ERC1: variants seen among roughly 807,000 people sequenced by gnomAD.
ERC1 encodes ELKS/RAB6-interacting/CAST family member 1, also known as RAB6 interacting protein 2.
A neutral mutation model predicts 132.0 loss-of-function variants in ERC1; 56 were observed. That is an observed-to-expected ratio of 0.42 (90% CI 0.34 to 0.53). ERC1 has a LOEUF of 0.53. Among genes scored for constraint, ERC1 ranks in the 20% least tolerant of loss-of-function variants. The pLI is 0.03. For synonymous variants in ERC1, 478 were observed against 476.1 expected, an observed-to-expected ratio of 1.00 and a Z score of -0.05; for missense variants, 1,202 against 1,349.9, an observed-to-expected ratio of 0.89 and a Z score of 1.72.
chr12:1,283,017 G>A (rs2078791138), intron 14 of ERC1, among the ~76,000 whole-genome samples: 1 of 152,220 alleles, frequency 6.6e-6, no homozygotes, highest in South Asian at 2.1e-4. Flanking sequence ...ACAGAAGAAG[G>A]TGGGAAACTT....
At chr12:1,064,652 C>G (rs1231369870) in intron 2 of ERC1, among the ~76,000 whole-genome samples, 2 of 152,148 alleles carry the variant, frequency 1.3e-5, no homozygotes, top group Non-Finnish European at 2.9e-5. Context: ...CCTGGCCTCC[C>G]AAAGCATTGG....
intron 18 of ERC1, among the ~76,000 whole-genome samples, chr12:1,482,999 A>G (rs1267941046): frequency 6.6e-6 from 1 of 152,102 alleles, no homozygotes; most frequent in Non-Finnish European, 1.5e-5. Flanking sequence ...CTGGAATTTC[A>G]TCAAGAATGG....
intron 3 of ERC1, among the ~76,000 whole-genome samples, chr12:1,084,896 C>A (rs910948529): frequency 1.3e-5 from 2 of 152,108 alleles, no homozygotes; most frequent in Admixed American, 1.3e-4. Flanking sequence ...GAGACAGAGT[C>A]TCCCTATGTT....
rs372871119 is a variant in ERC1 at position 1,168,591 on chromosome 12, TCTC to T, written c.1738-11946_1738-11944del. 2.0e-4 allele frequency among the ~76,000 whole-genome samples: 30 copies of T among 150,042 alleles called. No homozygotes were observed. The East Asian group carries it at 5.1e-3, about 26-fold the overall frequency. On this transcript the variant is annotated intron_variant, in intron 8 of 18. Coordinates refer to ENST00000360905, the MANE Select transcript of ERC1 (RefSeq NM_178040.4). Reference sequence around the variant, plus strand: ...CCATCGCCTCCCAGGTTCAAGCAATTCTCCTGCCTCAGCCTCCCGAGTAGCTGG... The same window carrying T: ...CCATCGCCTCCCAGGTTCAAGCAATTCTGCCTCAGCCTCCCGAGTAGCTGG...
intron 15 of ERC1, among the ~76,000 whole-genome samples, chr12:1,359,825 T>C (rs1219513901): frequency 6.6e-5 from 10 of 152,234 alleles, no homozygotes; most frequent in Admixed American, 6.5e-4. Flanking sequence ...GAAAGGACTA[T>C]TGGTCTGTAT....
chr12:1,167,264 A>C (rs1307153818), intron 8 of ERC1, among the ~76,000 whole-genome samples: 1 of 152,226 alleles, frequency 6.6e-6, no homozygotes, highest in Non-Finnish European at 1.5e-5. Flanking sequence ...GATTTAGGGA[A>C]AAGTGCCTGG....
chr12:1,299,855 G>A (rs2080255946), intron 15 of ERC1, among the ~76,000 whole-genome samples: 1 of 152,084 alleles, frequency 6.6e-6, no homozygotes, highest in African/African-American at 2.4e-5. Flanking sequence ...AATATTTTGA[G>A]CAAACTTATA....
intron 12 of ERC1, among the ~76,000 whole-genome samples, chr12:1,191,251 T>A (rs1247636124): frequency 6.6e-6 from 1 of 152,162 alleles, no homozygotes; most frequent in Non-Finnish European, 1.5e-5. Context: ...GATTAGATTA[T>A]GTACATTTTT....
intron 15 of ERC1, among the ~76,000 whole-genome samples, chr12:1,335,578 C>G (rs1025384685): frequency 1.3e-5 from 2 of 152,264 alleles, no homozygotes; most frequent in Admixed American, 1.3e-4. Flanking sequence ...ACAAAGCCTA[C>G]TTGATCTTGG....
intron 15 of ERC1, among the ~76,000 whole-genome samples, chr12:1,306,575 A>C (rs2080899748): frequency 6.6e-6 from 1 of 152,206 alleles, no homozygotes; most frequent in African/African-American, 2.4e-5. Context: ...GCTTCAATTT[A>C]AGACATCGGG....
chr12:1,184,582 T>G (rs1954858767), intron 11 of ERC1, among the ~76,000 whole-genome samples: 1 of 152,230 alleles, frequency 6.6e-6, no homozygotes, highest in Non-Finnish European at 1.5e-5. Flanking sequence ...AGGAAATGAC[T>G]GGTCTTGAGG....
In ERC1 at chr12:1,056,370, A is replaced by G. The variant is rs115654257; in HGVS notation, c.670-26794A>G. 2.0e-5 allele frequency among the ~76,000 whole-genome samples: 3 copies of G among 151,776 alleles called. No homozygotes were observed. In the East Asian group the frequency reaches 5.8e-4, roughly 29 times the overall value. ...TGGAAAACTAGGACGCAGACACACA[A>G]AGAGTGAGGTTCAGAGTGGAAGTTT... On this transcript the variant is annotated intron_variant, in intron 2 of 18. Transcript: ENST00000360905.
intron 7 of ERC1, among the ~76,000 whole-genome samples, chr12:1,138,247 A>G (rs1291749912): frequency 7.5e-6 from 1 of 132,966 alleles, no homozygotes; most frequent in Non-Finnish European, 1.5e-5. Context: ...TAATTACAAT[A>G]TATGATATAT....
intron 7 of ERC1, among the ~76,000 whole-genome samples, chr12:1,116,803 G>A (rs1041682880): frequency 7.2e-5 from 11 of 151,950 alleles, no homozygotes; most frequent in African/African-American, 1.5e-4. Context: ...GGCTGGTCTC[G>A]AACTCCTGAC....
At chr12:1,427,781 A>G (rs1565417420) in intron 17 of ERC1, among the ~76,000 whole-genome samples, 1 of 152,222 alleles carries the variant, frequency 6.6e-6, no homozygotes, top group Admixed American at 6.5e-5. Context: ...ATTAAATGTA[A>G]TAATGTAGTC....
At chr12:1,418,657 C>CTTT (rs1565396480) in intron 17 of ERC1, among the ~76,000 whole-genome samples, 20 of 122,930 alleles carry the variant, frequency 1.6e-4, no homozygotes, top group Non-Finnish European at 2.1e-4. Context: ...CTCTCTCTCT[C>CTTT]TCTCTTTCTT....
At chr12:1,024,920 T>C (rs575669931) in intron 1 of ERC1, among the ~76,000 whole-genome samples, 1 of 150,064 alleles carries the variant, frequency 6.7e-6, no homozygotes, top group East Asian at 1.9e-4. Flanking sequence ...ACACAATAAG[T>C]ATAACAACGA....
intron 12 of ERC1, among the ~76,000 whole-genome samples, chr12:1,200,719 C>T (rs141934548): frequency 0.076 from 11,563 of 152,126 alleles, 619 homozygotes; most frequent in African/African-American, 0.13. Flanking sequence ...CCACCACAGC[C>T]GGCTAGTTTT....
chr12:1,061,254 T>G (rs1015369905), intron 2 of ERC1, among the ~76,000 whole-genome samples: 2 of 152,196 alleles, frequency 1.3e-5, no homozygotes, highest in African/African-American at 4.8e-5. Flanking sequence ...GAGTCTTCTC[T>G]CTTCTTAGTC....
Sources: gnomAD v4.1 joint callset for allele counts (sites outside exome capture counted in the v4.1 genomes callset) on GRCh38, gnomAD v4.1.1 for gene constraint, MANE v1.5 for transcripts, NCBI Gene and HGNC (gene_info 2026-07-23, HGNC 2026-07-21) for gene names.